GIPC2: variants seen among roughly 807,000 people sequenced by gnomAD.
GIPC2 encodes GIPC PDZ domain containing family member 2.
Under a neutral mutation model 30.6 loss-of-function variants are expected in GIPC2, and 30 were observed. That is an observed-to-expected ratio of 0.98 (90% confidence interval 0.73 to 1.33). The LOEUF is 1.33. Among genes scored for constraint, GIPC2 ranks in the 40% most tolerant of loss-of-function variants. GIPC2 has a pLI of 0.00. For missense variants in GIPC2, 414 were observed against 390.3 expected, an observed-to-expected ratio of 1.06 and a Z score of -0.51; for synonymous variants, 167 against 150.0, an observed-to-expected ratio of 1.11 and a Z score of -0.83.
At chr1:78,097,737 A>T (rs1163178163) in intron 3 of GIPC2, among the ~76,000 whole-genome samples, 1 of 152,238 alleles carries the variant, frequency 6.6e-6, no homozygotes, top group African/African-American at 2.4e-5. Flanking sequence ...ACTACCATGT[A>T]GGTCCCAGAA....
chr1:78,106,098 A>G (rs1352037926), intron 3 of GIPC2, among the ~76,000 whole-genome samples: 1 of 151,678 alleles, frequency 6.6e-6, no homozygotes, highest in African/African-American at 2.4e-5. Flanking sequence ...AGCCGGGCAT[A>G]GTGGCAGTCT....
At chr1:78,063,536 A>G (rs1661445147) in intron 1 of GIPC2, among the ~76,000 whole-genome samples, 1 of 151,442 alleles carries the variant, frequency 6.6e-6, no homozygotes, top group African/African-American at 2.4e-5. Flanking sequence ...AACATGAAGC[A>G]GTTGCTTGTA....
intron 1 of GIPC2, among the ~76,000 whole-genome samples, chr1:78,057,967 A>G (rs1244275335): frequency 1.3e-5 from 2 of 152,220 alleles, no homozygotes; most frequent in East Asian, 3.8e-4. Flanking sequence ...TTCTTGCCTT[A>G]AGGACCTAGA....
intron 1 of GIPC2, among the ~76,000 whole-genome samples, chr1:78,051,150 A>G (rs1419740565): frequency 6.6e-6 from 1 of 152,114 alleles, no homozygotes; most frequent in Non-Finnish European, 1.5e-5. Flanking sequence ...TAAAAAAAAG[A>G]ACCCCACTTT....
upstream of GIPC2, among the ~76,000 whole-genome samples, chr1:78,045,320 A>G (rs756105912): frequency 8.5e-5 from 13 of 152,212 alleles, no homozygotes; most frequent in East Asian, 1.9e-4. Flanking sequence ...CTTGAAAACA[A>G]TGCAATAAAC....
chr1:78,106,018 T>C lies in GIPC2; in HGVS notation c.607+10886T>C, dbSNP rs190839828. On this transcript the variant is annotated intron_variant, in intron 3 of 5. Coordinates refer to ENST00000370759, the MANE Select transcript of GIPC2 (RefSeq NM_017655.6). ...TGGAGGCTGAGGTGGGCGGATCACC[T>C]GAGGTCAGGAGTTTGAGACAGCCTG... Among the ~76,000 whole-genome samples, 263 of 150,164 alleles carry C rather than the reference T, an allele frequency of 1.8e-3. 1 individual carries two copies. Among genetic ancestry groups the C allele is most frequent in the African/African-American group, 6.1e-3 (247 of 40,816 alleles).
chr1:78,095,245 CT>C (rs1662116080), intron 3 of GIPC2, 113 bp downstream of exon 3: 2 of 652,492 alleles, frequency 3.1e-6, no homozygotes, highest in Non-Finnish European at 5.4e-6. Context: ...GTCTTCTTAT[CT>C]AACATATCAG....
rs556141587 is a variant in GIPC2, at chr1:78,123,223, G to A, written c.715-2658G>A. 2.5e-3 allele frequency among the ~76,000 whole-genome samples: 349 copies of A among 138,312 alleles called. 1 individual carries two copies. Among genetic ancestry groups the A allele is most frequent in the African/African-American group, 9.2e-3 (334 of 36,404 alleles). The allele number at this position is 138,312 out of a possible 152,430, so 90.7% of individuals were successfully genotyped here. On this transcript the variant is annotated intron_variant, in intron 4 of 5. Transcript: ENST00000370759. Reference sequence around the variant, plus strand: ...TGCAGCGAGCCGAGATTATGCCATTGCACTCCAGCCTGGGTGACAGAGTGA... The same window carrying A: ...TGCAGCGAGCCGAGATTATGCCATTACACTCCAGCCTGGGTGACAGAGTGA...
chr1:78,130,634 G>C (rs1344118603), intron 5 of GIPC2, among the ~76,000 whole-genome samples: 2 of 152,140 alleles, frequency 1.3e-5, no homozygotes, highest in African/African-American at 2.4e-5. Context: ...CATATTTTAT[G>C]ATTAAACTAG....
intron 1 of GIPC2, among the ~76,000 whole-genome samples, chr1:78,055,501 A>T (rs1036620323): frequency 6.6e-6 from 1 of 152,178 alleles, no homozygotes; most frequent in Non-Finnish European, 1.5e-5. Flanking sequence ...AACTGAGAGC[A>T]AGTCTAGTTG....
chr1:78,046,369 C>CCGCCG lies in GIPC2; in HGVS notation c.240+54_240+58dup, dbSNP rs370883891. ...CAGGTGCTCAGGCTCTCCCGCCTCTCCGCCGCGCCGCGCCGCGCCGCGCGT... is the reference window on the plus strand; with the variant it reads ...CAGGTGCTCAGGCTCTCCCGCCTCTCCGCCGCGCCGCGCCGCGCCGCGCCGCGCGT... On this transcript the variant is annotated intron_variant, in intron 1 of 5. Transcript: ENST00000370759. 5.3e-4 allele frequency: 826 copies of CCGCCG among 1,557,824 alleles called. 9 individuals are homozygous for CCGCCG. Among genetic ancestry groups the CCGCCG allele is most frequent in the East Asian group, 5.0e-3 (218 of 43,414 alleles).
rs1663033365 is a variant in GIPC2 at position 78,137,777 on chromosome 1, T to G, written c.*2034T>G. ...ACTGATAACAAGGTCAGTTTCTTTA[T>G]GTCATTTTATTCCCATACCTAAAAT... On this transcript the variant is annotated 3_prime_UTR_variant, in exon 6 of 6. Coordinates refer to ENST00000370759, the MANE Select transcript of GIPC2 (RefSeq NM_017655.6). 1 of 152,220 alleles carries G rather than the reference T, an allele frequency of 6.6e-6. No individual in the cohort carries two copies. Among genetic ancestry groups the G allele is most frequent in the Non-Finnish European group, 1.5e-5 (1 of 68,026 alleles). The allele number at this position is 152,220 out of a possible 1,614,324, so 9.4% of individuals were successfully genotyped here.
intron 3 of GIPC2, among the ~76,000 whole-genome samples, chr1:78,116,561 T>C (rs1220171918): frequency 1.3e-5 from 2 of 151,918 alleles, no homozygotes; most frequent in East Asian, 1.9e-4. Context: ...TGTGTCCAAG[T>C]GTTCTCATTG....
chr1:78,105,963 C>T (rs754140651), intron 3 of GIPC2, among the ~76,000 whole-genome samples: 1 of 151,886 alleles, frequency 6.6e-6, no homozygotes, highest in Non-Finnish European at 1.5e-5. Flanking sequence ...AGGCTGGGCG[C>T]GGTGGCTCAT....
At chr1:78,128,037 T>C (rs969951034) in intron 5 of GIPC2, among the ~76,000 whole-genome samples, 2 of 152,194 alleles carry the variant, frequency 1.3e-5, no homozygotes, top group Admixed American at 1.3e-4. Context: ...ATAGAGATGC[T>C]GTCTGCAACT....
rs189586075 is a variant in GIPC2, at chr1:78,076,508, G to A, written c.241-4167G>A. 4.3e-3 allele frequency among the ~76,000 whole-genome samples: 662 copies of A among 152,300 alleles called. 4 individuals carry two copies. The highest frequency in any genetic ancestry group is 6.6e-3 in the Non-Finnish European group (449 of 68,028). On this transcript the variant is annotated intron_variant, in intron 1 of 5. Coordinates refer to ENST00000370759, the MANE Select transcript of GIPC2 (RefSeq NM_017655.6). ...ATCATCAGGCATTAGATTATCATAA[G>A]GTGCAGGCAATCTAGATCCCTCGCA...
intron 3 of GIPC2, among the ~76,000 whole-genome samples, chr1:78,103,446 C>A (rs1022806095): frequency 6.6e-6 from 1 of 152,138 alleles, no homozygotes; most frequent in Non-Finnish European, 1.5e-5. Context: ...GTGCTTAGAA[C>A]AGTGTTATGT....
chr1:78,091,303 A>G (rs1345754120), intron 2 of GIPC2, among the ~76,000 whole-genome samples: 2 of 152,244 alleles, frequency 1.3e-5, no homozygotes, highest in Non-Finnish European at 2.9e-5. Flanking sequence ...GCGAGGTTTG[A>G]GGACAGTGTT....
At chr1:78,064,539 T>C (rs1661465458) in intron 1 of GIPC2, among the ~76,000 whole-genome samples, 1 of 152,040 alleles carries the variant, frequency 6.6e-6, no homozygotes, top group African/African-American at 2.4e-5. Context: ...TGTCCTACAC[T>C]GTGAAGTTAG....
Sources: allele counts gnomAD v4.1 joint callset (sites outside exome capture counted in the v4.1 genomes callset), GRCh38; gene constraint gnomAD v4.1.1; transcripts MANE v1.5; gene names NCBI Gene and HGNC (gene_info 2026-07-23, HGNC 2026-07-21).